The following TAFA1 variants were observed in gnomAD, a reference collection of about 807,000 sequenced individuals.
The protein encoded by TAFA1 is chemokine-like protein TAFA-1.
In TAFA1, 4 loss-of-function variants were observed where a neutral mutation model predicts 18.5. That is an observed-to-expected ratio of 0.22 (90% CI 0.11 to 0.49). TAFA1 has a LOEUF of 0.49. Ranked by LOEUF, TAFA1 falls within the 20% of genes least tolerant of loss-of-function variation. The probability of loss-of-function intolerance (pLI) is 0.98; values close to 1 mark genes in which losing one functional copy is unlikely to be tolerated. For synonymous variants in TAFA1, 56 were observed against 55.2 expected, an observed-to-expected ratio of 1.01 and a Z score of -0.06; for missense variants, 147 against 169.0, an observed-to-expected ratio of 0.87 and a Z score of 0.72.
intron 4 of TAFA1, among the ~76,000 whole-genome samples, chr3:68,540,676 C>G: frequency 6.6e-6 from 1 of 152,028 alleles, no homozygotes; most frequent in East Asian, 1.9e-4. Flanking sequence ...CATGGTGTCT[C>G]CAGACCTGAA....
chr3:68,053,150 C>T (rs1159287200), intron 2 of TAFA1, among the ~76,000 whole-genome samples: 5 of 152,026 alleles, frequency 3.3e-5, no homozygotes, highest in Non-Finnish European at 5.9e-5. Flanking sequence ...AAAGTCTTCA[C>T]GACTTTTTCT....
chr3:68,180,666 T>C (rs1187392610), intron 2 of TAFA1, among the ~76,000 whole-genome samples: 2 of 152,218 alleles, frequency 1.3e-5, no homozygotes, highest in Non-Finnish European at 2.9e-5. Flanking sequence ...TTATTTTTCT[T>C]GGCAACTGAC....
chr3:68,435,896 A>G (rs1273936369), intron 3 of TAFA1, among the ~76,000 whole-genome samples: 2 of 152,184 alleles, frequency 1.3e-5, no homozygotes, highest in African/African-American at 2.4e-5. Flanking sequence ...GTCCTGCCAG[A>G]CTACATGTTA....
At chr3:68,511,656 G>T (rs1166810607) in intron 3 of TAFA1, among the ~76,000 whole-genome samples, 2 of 152,022 alleles carry the variant, frequency 1.3e-5, no homozygotes, top group East Asian at 3.9e-4. Context: ...ATTAAATATA[G>T]ATTAATGGTC....
Position 68,380,254 on chromosome 3 carries a change from A to G in TAFA1, c.119-37026A>G, listed in dbSNP as rs546121998. Among the ~76,000 whole-genome samples, 20 of 152,296 alleles carry G rather than the reference A, an allele frequency of 1.3e-4. No individual in the cohort carries two copies. In the East Asian group the frequency reaches 3.9e-3, roughly 29 times the overall value. On this transcript the variant is annotated intron_variant, in intron 2 of 4. Coordinates refer to ENST00000478136, the MANE Select transcript of TAFA1 (RefSeq NM_213609.4). ...CGCGTGCATGTGTCTTTATAGCAGC[A>G]TGATTTATAATCCTTTGGGTATATA...
In TAFA1 at chr3:68,272,211, C is replaced by T. The variant is rs78378159; in HGVS notation, c.119-145069C>T. ...ATCCTCTGGAAAACCACGTTAGCTT[C>T]TGTGTGCTGCTGGATCTTCATTTAG... On this transcript the variant is annotated intron_variant, in intron 2 of 4. Transcript: ENST00000478136. 1.2e-4 allele frequency among the ~76,000 whole-genome samples: 19 copies of T among 152,328 alleles called. No homozygotes were observed. The East Asian group carries it at 1.4e-3, about 11-fold the overall frequency.
rs1008423124 is a variant in TAFA1, at chr3:68,131,844, G to T, written c.118+125100G>T. ...TTTCTGTGTCTCAGCTTTTTTACCTGTGAAATAGGAATGATCATAGAAACT... is the reference window on the plus strand; with the variant it reads ...TTTCTGTGTCTCAGCTTTTTTACCTTTGAAATAGGAATGATCATAGAAACT... On this transcript the variant is annotated intron_variant, in intron 2 of 4. Coordinates refer to ENST00000478136, the MANE Select transcript of TAFA1 (RefSeq NM_213609.4). Among the ~76,000 whole-genome samples, 9 of 151,378 alleles carry T rather than the reference G, an allele frequency of 5.9e-5. No individual in the cohort carries two copies. The South Asian group carries it at 8.4e-4, about 14-fold the overall frequency.
At chr3:68,169,782 T>C (rs2066029629) in intron 2 of TAFA1, among the ~76,000 whole-genome samples, 1 of 152,154 alleles carries the variant, frequency 6.6e-6, no homozygotes, top group Admixed American at 6.5e-5. Context: ...ATGGGTGAGG[T>C]AGAGAAAGGC....
At chr3:68,132,618 T>A (rs75595797) in intron 2 of TAFA1, among the ~76,000 whole-genome samples, 140,077 of 152,268 alleles carry the variant, frequency 0.92, 64,686 homozygotes, top group South Asian at 0.97. Flanking sequence ...ACATTTCTCT[T>A]ATGACCAGTG....
chr3:68,471,516 A>T (rs149946934), intron 3 of TAFA1, among the ~76,000 whole-genome samples: 130 of 152,322 alleles, frequency 8.5e-4, no homozygotes, highest in Non-Finnish European at 1.7e-3. Context: ...CACTTCTTGT[A>T]TCAGCATGCC....
chr3:68,388,764 C>G (rs2070161670), intron 2 of TAFA1, among the ~76,000 whole-genome samples: 1 of 151,324 alleles, frequency 6.6e-6, no homozygotes, highest in Non-Finnish European at 1.5e-5. Context: ...TTATGGCCAT[C>G]TGATTTTTTT....
chr3:68,515,802 G>A (rs560540344), intron 3 of TAFA1, among the ~76,000 whole-genome samples: 78 of 152,256 alleles, frequency 5.1e-4, no homozygotes, highest in African/African-American at 1.8e-3. Flanking sequence ...AGCATTAGAT[G>A]GAGTGCTATA....
chr3:68,028,574 C>T (rs923888545), intron 2 of TAFA1, among the ~76,000 whole-genome samples: 4 of 152,024 alleles, frequency 2.6e-5, no homozygotes, highest in African/African-American at 9.7e-5. Flanking sequence ...CAGGGCTACG[C>T]TCCTATGGGA....
At chr3:68,018,047 G>A (rs1306990022) in intron 2 of TAFA1, among the ~76,000 whole-genome samples, 1 of 152,222 alleles carries the variant, frequency 6.6e-6, no homozygotes, top group Non-Finnish European at 1.5e-5. Context: ...AGTGTAAAAG[G>A]ATGGGGTAGC....
chr3:68,045,857 G>C (rs1298855833), intron 2 of TAFA1, among the ~76,000 whole-genome samples: 1 of 152,094 alleles, frequency 6.6e-6, no homozygotes. Flanking sequence ...ACATTCTTAG[G>C]CTGAGGACAC....
At chr3:68,362,482 G>A (rs1024731774) in intron 2 of TAFA1, among the ~76,000 whole-genome samples, 1 of 152,046 alleles carries the variant, frequency 6.6e-6, no homozygotes, top group African/African-American at 2.4e-5. Context: ...TATAATGTTG[G>A]GTTTGGTTTT....
At chr3:68,308,450 A>G (rs2068457563) in intron 2 of TAFA1, among the ~76,000 whole-genome samples, 1 of 152,158 alleles carries the variant, frequency 6.6e-6, no homozygotes, top group East Asian at 1.9e-4. Context: ...TCTATTACCC[A>G]GAATAGATGG....
chr3:68,086,752 A>C (rs2064974910), intron 2 of TAFA1, among the ~76,000 whole-genome samples: 1 of 152,214 alleles, frequency 6.6e-6, no homozygotes, highest in Non-Finnish European at 1.5e-5. Flanking sequence ...GTGGCCACAC[A>C]TCCTATTGTG....
intron 2 of TAFA1, among the ~76,000 whole-genome samples, chr3:68,237,849 A>T (rs1220973526): frequency 6.6e-6 from 1 of 152,232 alleles, no homozygotes; most frequent in South Asian, 2.1e-4. Flanking sequence ...GAGTATCAAG[A>T]GATTGACTGA....
Sources: gnomAD v4.1 joint callset for allele counts (sites outside exome capture counted in the v4.1 genomes callset) on GRCh38, gnomAD v4.1.1 for gene constraint, MANE v1.5 for transcripts, NCBI Gene and HGNC (gene_info 2026-07-23, HGNC 2026-07-21) for gene names.